The following IMMP2L variants were observed in gnomAD, a reference collection of about 807,000 sequenced individuals.
The protein encoded by IMMP2L is mitochondrial inner membrane protease subunit 2.
In IMMP2L, 18 loss-of-function variants were observed where a neutral mutation model predicts 19.3. That is an observed-to-expected ratio of 0.93 (90% confidence interval 0.64 to 1.38). The LOEUF (loss-of-function observed/expected upper bound fraction) is 1.38. Among genes scored for constraint, IMMP2L ranks in the 40% most tolerant of loss-of-function variants. The pLI is 0.00. For synonymous variants in IMMP2L, 76 were observed against 73.0 expected (o/e 1.04, Z -0.21); for missense variants, 233 against 218.2 (o/e 1.07, Z -0.43).
At chr7:111,178,274 G>A (rs1807301827) in intron 3 of IMMP2L, among the ~76,000 whole-genome samples, 1 of 152,016 alleles carries the variant, frequency 6.6e-6, no homozygotes, top group Non-Finnish European at 1.5e-5. Flanking sequence ...GTCTAACAAA[G>A]TATATAGCTT....
At chr7:111,539,215 AAAG>A (rs1563331028) in intron 1 of IMMP2L, among the ~76,000 whole-genome samples, 1 of 98,692 alleles carries the variant, frequency 1.0e-5, no homozygotes, top group Non-Finnish European at 2.1e-5. Context: ...AGAAAGAAAG[AAAG>A]AAAGAAAGAA....
intron 3 of IMMP2L, among the ~76,000 whole-genome samples, chr7:110,972,290 T>G (rs905863407): frequency 6.6e-6 from 1 of 152,146 alleles, no homozygotes; most frequent in African/African-American, 2.4e-5. Flanking sequence ...CTCCAGTTGC[T>G]ACATTATCAG....
intron 3 of IMMP2L, among the ~76,000 whole-genome samples, chr7:110,964,099 C>T (rs1240056601): frequency 6.6e-6 from 1 of 151,984 alleles, no homozygotes; most frequent in Non-Finnish European, 1.5e-5. Context: ...AGAAGATGTG[C>T]CTCACTTCCC....
intron 5 of IMMP2L, among the ~76,000 whole-genome samples, chr7:110,742,442 C>T (rs2130873502): frequency 6.6e-6 from 1 of 152,158 alleles, no homozygotes; most frequent in South Asian, 2.1e-4. Flanking sequence ...ATAATACAGC[C>T]ATGCAATGAA....
chr7:110,663,316 C>T lies in IMMP2L; in HGVS notation c.*286G>A, dbSNP rs1019730031. 4.5e-5 allele frequency: 11 copies of T among 243,692 alleles called. No homozygotes were observed. Among genetic ancestry groups the T allele is most frequent in the Non-Finnish European group, 8.7e-5 (11 of 126,722 alleles). 15.1% of individuals were successfully genotyped at this position (243,692 alleles called of 1,614,324 possible). Reference sequence around the variant, plus strand: ...TGTAACAAATAATCTGAAATTCAGCCCCATTAAGACATGTGGGTGCAATAT... The same window carrying T: ...TGTAACAAATAATCTGAAATTCAGCTCCATTAAGACATGTGGGTGCAATAT... On this transcript the variant is annotated 3_prime_UTR_variant, in exon 6 of 6. Coordinates refer to ENST00000405709, the MANE Select transcript of IMMP2L (RefSeq NM_032549.4).
Position 111,079,642 on chromosome 7 carries a change from T to G in IMMP2L, c.240-116077A>C, listed in dbSNP as rs545923255. On this transcript the variant is annotated intron_variant, in intron 3 of 5. Coordinates refer to ENST00000405709, the MANE Select transcript of IMMP2L (RefSeq NM_032549.4). ...AAAGACCATAACATTTTTAAATTAG[T>G]AAATGAGCTCCTAACTTTATGATTA... 9.2e-5 allele frequency among the ~76,000 whole-genome samples: 14 copies of G among 152,320 alleles called. No homozygotes were observed. The South Asian group carries it at 2.9e-3, about 32-fold the overall frequency.
At chr7:111,542,694 CAATT>C (rs1459801950) in intron 1 of IMMP2L, among the ~76,000 whole-genome samples, 1 of 152,224 alleles carries the variant, frequency 6.6e-6, no homozygotes, top group East Asian at 1.9e-4. Context: ...TCTGAATACA[CAATT>C]AATTCAATCC....
At chr7:111,076,080 T>C (rs1795383879) in intron 3 of IMMP2L, among the ~76,000 whole-genome samples, 1 of 152,134 alleles carries the variant, frequency 6.6e-6, no homozygotes, top group East Asian at 1.9e-4. Context: ...AAAAAAAGTT[T>C]GGTTCTTCAA....
rs187847085 is a variant in IMMP2L, at chr7:110,718,905, C to T, written c.409-55184G>A. On this transcript the variant is annotated intron_variant, in intron 5 of 5. Transcript: ENST00000405709. ...AAAATGCTAATATTTGTCTGGCACA[C>T]TGGAATACACAAATGAGGCTGGCTG... Among the ~76,000 whole-genome samples the T allele has an allele frequency of 1.1e-3, 162 of 152,250 alleles. 2 individuals carry two copies. Among genetic ancestry groups the T allele is most frequent in the Non-Finnish European group, 1.5e-4 (10 of 68,010 alleles).
At chr7:110,868,486 G>A (rs1387000994) in intron 5 of IMMP2L, among the ~76,000 whole-genome samples, 1 of 152,012 alleles carries the variant, frequency 6.6e-6, no homozygotes, top group Non-Finnish European at 1.5e-5. Flanking sequence ...AGGCTGGGGG[G>A]TTCAAATCAT....
At chr7:111,452,667 T>C (rs1839314576) in intron 3 of IMMP2L, among the ~76,000 whole-genome samples, 1 of 152,116 alleles carries the variant, frequency 6.6e-6, no homozygotes, top group Non-Finnish European at 1.5e-5. Flanking sequence ...ACTAAATCTC[T>C]GTGGGGAGGT....
At chr7:111,316,631 T>G (rs1054987530) in intron 3 of IMMP2L, among the ~76,000 whole-genome samples, 3 of 151,964 alleles carry the variant, frequency 2.0e-5, no homozygotes, top group African/African-American at 7.2e-5. Flanking sequence ...TAAACAAATT[T>G]TTTAAAAAGT....
chr7:111,077,383 T>C (rs1795504288), intron 3 of IMMP2L, among the ~76,000 whole-genome samples: 1 of 152,208 alleles, frequency 6.6e-6, no homozygotes, highest in Non-Finnish European at 1.5e-5. Context: ...TGCTCTTCTC[T>C]CGGAATCCCG....
At position 110,719,747 on chromosome 7, in the gene IMMP2L, G is replaced by A. The variant is rs555777256; in HGVS notation, c.409-56026C>T. 3.3e-5 allele frequency among the ~76,000 whole-genome samples: 5 copies of A among 152,296 alleles called. No homozygotes were observed. In the East Asian group the frequency reaches 9.7e-4, roughly 29 times the overall value. On this transcript the variant is annotated intron_variant, in intron 5 of 5. Transcript: ENST00000405709. ...CTGTGATCTTCGCAGAAAATAAACA[G>A]CTTTAAATGAGAAGAAGCTGTCAAT...
intron 3 of IMMP2L, among the ~76,000 whole-genome samples, chr7:111,115,517 C>T (rs1229637140): frequency 6.6e-6 from 1 of 151,984 alleles, no homozygotes; most frequent in African/African-American, 2.4e-5. Flanking sequence ...ATTTCATCCC[C>T]CCCTCTGTAA....
In IMMP2L at chr7:110,717,422, G is replaced by A. The variant is rs186169039; in HGVS notation, c.409-53701C>T. Among the ~76,000 whole-genome samples, 166 of 152,334 alleles carry A rather than the reference G, an allele frequency of 1.1e-3. 1 individual carries two copies. The highest frequency in any genetic ancestry group is 3.8e-3 in the African/African-American group (159 of 41,582). On this transcript the variant is annotated intron_variant, in intron 5 of 5. Transcript: ENST00000405709. ...GGAGCTTGCAGTGAGCTGAGATTGC[G>A]CCACTGCGCTCCAGCCTGGACAACA...
intron 3 of IMMP2L, among the ~76,000 whole-genome samples, chr7:111,279,129 A>C (rs1819421693): frequency 6.6e-6 from 1 of 152,188 alleles, no homozygotes; most frequent in South Asian, 2.1e-4. Flanking sequence ...TCCCAATAAC[A>C]AATCTTATAC....
intron 3 of IMMP2L, among the ~76,000 whole-genome samples, chr7:111,029,776 C>T (rs573271363): frequency 5.9e-5 from 9 of 152,274 alleles, no homozygotes; most frequent in Middle Eastern, 3.4e-3. Flanking sequence ...TCAGCCACTT[C>T]AATCCAGCAA....
At chr7:110,713,534 A>G (rs1795034855) in intron 5 of IMMP2L, among the ~76,000 whole-genome samples, 1 of 152,200 alleles carries the variant, frequency 6.6e-6, no homozygotes, top group South Asian at 2.1e-4. Context: ...AATTCTTCCA[A>G]TCAATGAGCA....
Sources: gnomAD v4.1 joint callset for allele counts (sites outside exome capture counted in the v4.1 genomes callset) on GRCh38, gnomAD v4.1.1 for gene constraint, MANE v1.5 for transcripts, NCBI Gene and HGNC (gene_info 2026-07-23, HGNC 2026-07-21) for gene names.